The following GALNT17 variants were observed in gnomAD, a reference collection of about 807,000 sequenced individuals.
The protein encoded by GALNT17 is UDP-GalNAc:polypeptide N-acetylgalactosaminyltransferase-like 3.
In GALNT17, 29 loss-of-function variants were observed where a neutral mutation model predicts 63.7. The ratio of observed to expected loss-of-function variants is 0.46; its 90% CI spans 0.34 to 0.62. The LOEUF is 0.62. GALNT17 is among the 20% of genes least tolerant of loss of function. The pLI is 0.01. For missense variants in GALNT17, 603 were observed against 799.6 expected (o/e 0.75, Z 2.97); for synonymous variants, 305 against 318.3 (o/e 0.96, Z 0.45).
At chr7:71,502,525 A>G (rs985361619) in intron 5 of GALNT17, among the ~76,000 whole-genome samples, 1 of 152,194 alleles carries the variant, frequency 6.6e-6, no homozygotes, top group African/African-American at 2.4e-5. Flanking sequence ...CCCTCCATGC[A>G]TCTTGGGAGC....
At chr7:71,559,263 C>T (rs1789214640) in intron 5 of GALNT17, among the ~76,000 whole-genome samples, 1 of 152,264 alleles carries the variant, frequency 6.6e-6, no homozygotes, top group East Asian at 1.9e-4. Flanking sequence ...TTCAAGCCAG[C>T]CAACTCCTTC....
rs999883838 is a variant in GALNT17 at position 71,309,513 on chromosome 7, C to T, written c.239-26037C>T. 1.3e-4 allele frequency among the ~76,000 whole-genome samples: 20 copies of T among 152,208 alleles called. No homozygotes were observed. In the East Asian group the frequency reaches 2.5e-3, roughly 19 times the overall value. ...AGAAAACCATGCCTTCGTCTGGGTTCGCATAACTTTTGTCTACACTTTTGT... is the reference window on the plus strand; with the variant it reads ...AGAAAACCATGCCTTCGTCTGGGTTTGCATAACTTTTGTCTACACTTTTGT... On this transcript the variant is annotated intron_variant, in intron 1 of 10. Coordinates refer to ENST00000333538, the MANE Select transcript of GALNT17 (RefSeq NM_022479.3).
chr7:71,449,902 G>C (rs376269794), intron 5 of GALNT17, among the ~76,000 whole-genome samples: 2 of 151,704 alleles, frequency 1.3e-5, no homozygotes, highest in African/African-American at 4.8e-5. Context: ...TTAGCCAGTC[G>C]TGGTGGCAGG....
In GALNT17 at chr7:71,377,108, A is replaced by ATATATATATAT. The variant is rs1491192562; in HGVS notation, c.423-11127_423-11126insTATATATATAT. Among the ~76,000 whole-genome samples, 35 of 45,072 alleles carry ATATATATATAT rather than the reference A, an allele frequency of 7.8e-4. 1 individual carries two copies. Among genetic ancestry groups the ATATATATATAT allele is most frequent in the African/African-American group, 1.4e-3 (12 of 8,288 alleles). The allele number at this position is 45,072 out of a possible 152,430, so 29.6% of individuals were successfully genotyped here. A position where few individuals can be genotyped will look rare whatever the true frequency, so the allele number is the denominator to read the frequency against. Reference sequence around the variant, plus strand: ...CTCAAAAAAAAAAAAAAATAAAAATAAAAAAAATATATATATATATATATA... The same window carrying ATATATATATAT: ...CTCAAAAAAAAAAAAAAATAAAAATATATATATATATAAAAAAATATATATATATATATATA... On this transcript the variant is annotated intron_variant, in intron 2 of 10. Coordinates refer to ENST00000333538, the MANE Select transcript of GALNT17 (RefSeq NM_022479.3).
chr7:71,462,350 A>G lies in GALNT17; in HGVS notation c.962+41245A>G, dbSNP rs554731494. Among the ~76,000 whole-genome samples the G allele has an allele frequency of 3.9e-5, 6 of 152,356 alleles. No homozygotes were observed. The East Asian group carries it at 7.7e-4, about 20-fold the overall frequency. On this transcript the variant is annotated intron_variant, in intron 5 of 10. Transcript: ENST00000333538. The stretch of plus-strand genomic sequence containing the variant: ...TGCAATAGACGTTGACTCTGTTGCA[A>G]TAGAGGAGAGAGATTGGGGTCAACT...
chr7:71,238,217 G>A (rs569145031), intron 1 of GALNT17, among the ~76,000 whole-genome samples: 38 of 152,292 alleles, frequency 2.5e-4, no homozygotes, highest in Admixed American at 5.2e-4. Flanking sequence ...CAGAGGAACT[G>A]AGCCAAGAGC....
Position 71,669,986 on chromosome 7 carries a change from C to T in GALNT17, c.1281C>T (p.Asp427=), listed in dbSNP as rs111741916. 8.7e-6 allele frequency: 14 copies of T among 1,614,116 alleles called. No homozygotes were observed. In the African/African-American group the frequency reaches 1.7e-4, roughly 20 times the overall value. ...TCTCCTTTCAGAATCCGGGAATTGA[C>T]ATCGGTGATGTCTCCGAAAGAAGAG... ...WNLPLENPGI[D]IGDVSERRAL... is the part of the protein sequence containing the mutation. Residue 427 remains aspartate (D), a synonymous_variant, in exon 8 of 11, where the codon GAC becomes GAT. Transcript: ENST00000333538.
intron 2 of GALNT17, among the ~76,000 whole-genome samples, chr7:71,350,395 G>A (rs1356426954): frequency 2.0e-5 from 3 of 152,072 alleles, no homozygotes; most frequent in Non-Finnish European, 4.4e-5. Flanking sequence ...TATAGATTGT[G>A]ATAAATGTTT....
intron 3 of GALNT17, among the ~76,000 whole-genome samples, chr7:71,402,231 A>T (rs182945309): frequency 6.6e-6 from 1 of 152,294 alleles, no homozygotes; most frequent in East Asian, 1.9e-4. Context: ...TGATTTGCTA[A>T]CTCCAGTTCA....
intron 1 of GALNT17, among the ~76,000 whole-genome samples, chr7:71,315,533 G>A (rs1791484508): frequency 1.3e-5 from 2 of 152,164 alleles, no homozygotes; most frequent in East Asian, 1.9e-4. Context: ...CCTACCATTT[G>A]CCAAGTACCA....
intron 6 of GALNT17, among the ~76,000 whole-genome samples, chr7:71,576,529 TTGTGTGTGTG>T (rs3048366): frequency 3.1e-4 from 45 of 142,910 alleles, no homozygotes; most frequent in African/African-American, 6.0e-4. Context: ...TTTTTTAACT[TTGTGTGTGTG>T]TGTGTGTGTG....
At chr7:71,359,758 G>C (rs1792363927) in intron 2 of GALNT17, among the ~76,000 whole-genome samples, 1 of 151,820 alleles carries the variant, frequency 6.6e-6, no homozygotes. Flanking sequence ...TAATTTTTGT[G>C]CTTTTAGTAG....
chr7:71,669,150 G>C (rs995551953), intron 7 of GALNT17, among the ~76,000 whole-genome samples: 3 of 152,144 alleles, frequency 2.0e-5, no homozygotes, highest in Non-Finnish European at 4.4e-5. Context: ...CTTTATTGCT[G>C]TAGGTTCCTG....
chr7:71,497,785 C>T (rs1020550259), intron 5 of GALNT17, among the ~76,000 whole-genome samples: 4 of 152,176 alleles, frequency 2.6e-5, no homozygotes, highest in African/African-American at 9.7e-5. Context: ...AATGGCAAGG[C>T]CAGAAGGCAT....
chr7:71,337,085 A>AG (rs1394230122), intron 2 of GALNT17, among the ~76,000 whole-genome samples: 1 of 152,150 alleles, frequency 6.6e-6, no homozygotes, highest in African/African-American at 2.4e-5. Context: ...TTCTAAAAAA[A>AG]AATCACCATG....
At chr7:71,704,036 A>G (rs1301774590) in intron 9 of GALNT17, among the ~76,000 whole-genome samples, 1 of 152,158 alleles carries the variant, frequency 6.6e-6, no homozygotes, top group African/African-American at 2.4e-5. Flanking sequence ...GGCAAATGAA[A>G]AGATGAGAAG....
At chr7:71,498,412 G>A (rs1475757542) in intron 5 of GALNT17, among the ~76,000 whole-genome samples, 1 of 152,102 alleles carries the variant, frequency 6.6e-6, no homozygotes, top group Admixed American at 6.5e-5. Context: ...GGTGGAGGTT[G>A]CAGTGAGCTG....
chr7:71,401,789 G>A (rs1323591867), intron 3 of GALNT17, among the ~76,000 whole-genome samples: 1 of 152,160 alleles, frequency 6.6e-6, no homozygotes, highest in Non-Finnish European at 1.5e-5. Context: ...AGAAAAACAA[G>A]CTCAGGGCTC....
At chr7:71,644,790 A>C (rs1015024652) in intron 6 of GALNT17, among the ~76,000 whole-genome samples, 2 of 152,084 alleles carry the variant, frequency 1.3e-5, no homozygotes, top group Non-Finnish European at 2.9e-5. Flanking sequence ...AAAATTCTAC[A>C]CATTACAAGT....
Sources: gnomAD v4.1 joint callset for allele counts (sites outside exome capture counted in the v4.1 genomes callset) on GRCh38, gnomAD v4.1.1 for gene constraint, MANE v1.5 for transcripts, NCBI Gene and HGNC (gene_info 2026-07-23, HGNC 2026-07-21) for gene names.